The following NKAIN3 variants were observed in gnomAD, a reference collection of about 807,000 sequenced individuals.
The protein encoded by NKAIN3 is sodium/potassium-transporting ATPase subunit beta-1-interacting protein 3.
In NKAIN3, 25 loss-of-function variants were observed where a neutral mutation model predicts 30.2. The observed-to-expected ratio is 0.83, with a 90% CI of 0.60 to 1.16. The LOEUF is 1.16. Ranked by LOEUF, NKAIN3 falls within the 50% of genes most tolerant of loss-of-function variation. The pLI, the probability that NKAIN3 is intolerant of heterozygous loss-of-function variation, is 0.00. For missense variants in NKAIN3, 225 were observed against 254.1 expected (o/e 0.89, Z 0.78); for synonymous variants, 91 against 89.6 (o/e 1.02, Z -0.09).
intron 3 of NKAIN3, among the ~76,000 whole-genome samples, chr8:62,742,713 A>G (rs1815943059): frequency 6.6e-6 from 1 of 152,228 alleles, no homozygotes. Flanking sequence ...CATTTGAACT[A>G]CTGACATTAT....
In NKAIN3 at chr8:62,747,051, G is replaced by T; in HGVS notation, c.393G>T (p.Thr131=). The part of the protein sequence containing the change: ...PSAHGMMDDY[T]YVSVTGCIVD... Reference sequence around the variant, plus strand: ...CCCATGGCATGATGGACGATTACACGTACGTCTCTGTCACAGGCTGCATCG... The same window carrying T: ...CCCATGGCATGATGGACGATTACACTTACGTCTCTGTCACAGGCTGCATCG... The change falls in exon 4 of 7, where the codon ACG becomes ACT. Residue 131 remains threonine (T), a synonymous_variant. Transcript: ENST00000623646. 2.5e-6 allele frequency: 4 copies of T among 1,613,286 alleles called. No individual in the cohort carries two copies. Among genetic ancestry groups the T allele is most frequent in the Non-Finnish European group, 3.4e-6 (4 of 1,179,486 alleles).
chr8:62,988,654 G>A (rs1824254815), downstream of NKAIN3, among the ~76,000 whole-genome samples: 1 of 152,222 alleles, frequency 6.6e-6, no homozygotes, highest in African/African-American at 2.4e-5. Context: ...TGGGCTTTGG[G>A]CCCAGCCCAG....
intron 5 of NKAIN3, among the ~76,000 whole-genome samples, chr8:62,941,849 G>C (rs1822963576): frequency 6.6e-6 from 1 of 152,046 alleles, no homozygotes; most frequent in Non-Finnish European, 1.5e-5. Context: ...ATGAGAACTG[G>C]AACAAGACAA....
intron 1 of NKAIN3, 113 bp from the exon 2 acceptor site, chr8:62,579,426 C>A: frequency 1.4e-6 from 1 of 737,750 alleles, no homozygotes; most frequent in Non-Finnish European, 2.1e-6. Flanking sequence ...ATAACGGTGA[C>A]AAAAAGTGTG....
chr8:62,896,816 C>A (rs987437217), intron 4 of NKAIN3, among the ~76,000 whole-genome samples: 1 of 152,098 alleles, frequency 6.6e-6, no homozygotes, highest in Non-Finnish European at 1.5e-5. Flanking sequence ...ATAAAAAGGC[C>A]ATTAGATTTG....
At chr8:62,395,921 TA>T (rs1348850581) in intron 1 of NKAIN3, among the ~76,000 whole-genome samples, 2 of 152,202 alleles carry the variant, frequency 1.3e-5, no homozygotes, top group African/African-American at 4.8e-5. Context: ...ATTTTCCTGT[TA>T]AAAAATTGTA....
At chr8:62,272,745 C>CT (rs767827888) in intron 1 of NKAIN3, among the ~76,000 whole-genome samples, 1 of 152,296 alleles carries the variant, frequency 6.6e-6, no homozygotes, top group Admixed American at 6.5e-5. Flanking sequence ...ATCCAATCCT[C>CT]TAACTATGGC....
chr8:62,570,685 G>A (rs1376417084), intron 1 of NKAIN3, among the ~76,000 whole-genome samples: 1 of 152,102 alleles, frequency 6.6e-6, no homozygotes, highest in Non-Finnish European at 1.5e-5. Context: ...TATGGGAGCT[G>A]CAAGATGAGA....
At chr8:62,448,405 G>T (rs955739697) in intron 1 of NKAIN3, among the ~76,000 whole-genome samples, 4 of 149,210 alleles carry the variant, frequency 2.7e-5, no homozygotes, top group South Asian at 2.1e-4. Flanking sequence ...GCCTATGATG[G>T]TATTTATTTT....
chr8:62,842,728 T>C (rs1337264874), intron 4 of NKAIN3, among the ~76,000 whole-genome samples: 1 of 152,096 alleles, frequency 6.6e-6, no homozygotes, highest in Non-Finnish European at 1.5e-5. Context: ...TCAATTGATT[T>C]TTTACAAAAC....
chr8:62,513,901 TAAAGATCCGGTGGAGG>T (rs1227405513), intron 1 of NKAIN3, among the ~76,000 whole-genome samples: 1 of 142,730 alleles, frequency 7.0e-6, no homozygotes, highest in Non-Finnish European at 1.5e-5. Flanking sequence ...AAAGCATTTG[TAAAGATCCGGTGGAGG>T]AAGGAGATGA....
At chr8:62,762,606 G>A (rs1266158149) in intron 4 of NKAIN3, among the ~76,000 whole-genome samples, 1 of 152,178 alleles carries the variant, frequency 6.6e-6, no homozygotes, top group Non-Finnish European at 1.5e-5. Context: ...ATGGATTGGA[G>A]AGAACAAGGC....
downstream of NKAIN3, among the ~76,000 whole-genome samples, chr8:62,988,592 G>A (rs116510213): frequency 3.5e-3 from 533 of 152,356 alleles, 3 homozygotes; most frequent in African/African-American, 0.012. Flanking sequence ...TTTAGCCAAG[G>A]CTGGAGCTGC....
chr8:62,752,614 T>C (rs903224902), intron 4 of NKAIN3, among the ~76,000 whole-genome samples: 5 of 152,198 alleles, frequency 3.3e-5, no homozygotes, highest in Non-Finnish European at 1.5e-5. Flanking sequence ...ATCAGAATTA[T>C]TACAGTGGAA....
intron 4 of NKAIN3, among the ~76,000 whole-genome samples, chr8:62,881,618 A>G (rs1820984863): frequency 6.6e-6 from 1 of 152,152 alleles, no homozygotes; most frequent in Admixed American, 6.5e-5. Flanking sequence ...TAGATATACC[A>G]CAGTTTATCC....
At chr8:62,887,426 T>A (rs1821180569) in intron 4 of NKAIN3, among the ~76,000 whole-genome samples, 1 of 152,196 alleles carries the variant, frequency 6.6e-6, no homozygotes, top group African/African-American at 2.4e-5. Flanking sequence ...AAGAAACTCT[T>A]CAGTCATTGT....
rs2130910423 is a variant in NKAIN3 at position 62,966,885 on chromosome 8, T to C, written c.*1478T>C. On this transcript the variant is annotated 3_prime_UTR_variant, in exon 7 of 7. Coordinates refer to ENST00000623646, the MANE Select transcript of NKAIN3 (RefSeq NM_001304533.3). The stretch of plus-strand genomic sequence containing the variant: ...ATTTGTATGTGTGTGAAAGTCTTTT[T>C]TCTTCTTGTTCTTCTTTCGGAGCCT... 6.6e-6 allele frequency among the ~76,000 whole-genome samples: 1 copy of C among 152,296 alleles called. No individual in the cohort carries two copies. The highest frequency in any genetic ancestry group is 2.1e-4 in the South Asian group (1 of 4,822).
Position 62,689,748 on chromosome 8 carries a change from C to A in NKAIN3, c.274-57184C>A, listed in dbSNP as rs550880328. On this transcript the variant is annotated intron_variant, in intron 3 of 6. Transcript: ENST00000623646. ...TATCTGAATTTCCTCTTCTTTATCT[C>A]TTTGACCCTGGAATTCAATAAATTT... Among the ~76,000 whole-genome samples the A allele has an allele frequency of 2.6e-5, 4 of 152,168 alleles. No homozygotes were observed. The East Asian group carries it at 5.8e-4, about 22-fold the overall frequency.
In NKAIN3 at chr8:62,797,959, A is replaced by C. The variant is rs1347905686; in HGVS notation, c.471+50830A>C. On this transcript the variant is annotated intron_variant, in intron 4 of 6. Transcript: ENST00000623646. ...TGAACTGCCAGATGCTAGACATGGA[A>C]CAGATTCTTCCCAAAGTGCTTTTCA... 2.6e-5 allele frequency among the ~76,000 whole-genome samples: 4 copies of C among 152,328 alleles called. No homozygotes were observed. In the East Asian group the frequency reaches 7.7e-4, roughly 29 times the overall value.
Sources: gnomAD v4.1 joint callset for allele counts (sites outside exome capture counted in the v4.1 genomes callset) on GRCh38, gnomAD v4.1.1 for gene constraint, MANE v1.5 for transcripts, NCBI Gene and HGNC (gene_info 2026-07-23, HGNC 2026-07-21) for gene names.